Variants in PTPRG observed in about 807,000 individuals in gnomAD.
PTPRG encodes the protein receptor-type tyrosine-protein phosphatase gamma.
Under a neutral mutation model 165.3 loss-of-function variants are expected in PTPRG, and 102 were observed. The observed-to-expected ratio is 0.62, with a 90% CI of 0.53 to 0.73. PTPRG has a LOEUF of 0.73. Among genes scored for constraint, PTPRG ranks in the 30% least tolerant of loss-of-function variants. PTPRG has a pLI of 0.00. For missense variants in PTPRG, 1,866 were observed against 1,861.4 expected (o/e 1.00, Z -0.05); for synonymous variants, 675 against 669.5 (o/e 1.01, Z -0.13).
rs145216886 is a variant in PTPRG, at chr3:61,991,636, A to G, written c.370+1832A>G. Among the ~76,000 whole-genome samples, 6 of 152,318 alleles carry G rather than the reference A, an allele frequency of 3.9e-5. No individual in the cohort carries two copies. In the East Asian group the frequency reaches 9.6e-4, roughly 24 times the overall value. Reference sequence around the variant, plus strand: ...ATATGGTGTTCTTAGGATAACCGCAATGAGATTATTTCTCTTCATACCATC... The same window carrying G: ...ATATGGTGTTCTTAGGATAACCGCAGTGAGATTATTTCTCTTCATACCATC... On this transcript the variant is annotated intron_variant, in intron 3 of 29. Coordinates refer to ENST00000474889, the MANE Select transcript of PTPRG (RefSeq NM_002841.4).
intron 10 of PTPRG, among the ~76,000 whole-genome samples, chr3:62,201,123 A>G (rs1700086881): frequency 6.6e-6 from 1 of 152,200 alleles, no homozygotes; most frequent in Non-Finnish European, 1.5e-5. Context: ...TCTTTATATT[A>G]CTGTGGGGAG....
chr3:61,974,854 G>A lies in PTPRG; in HGVS notation c.191-14771G>A, dbSNP rs115955573. 1.3e-3 allele frequency among the ~76,000 whole-genome samples: 198 copies of A among 152,320 alleles called. No homozygotes were observed. In the Middle Eastern group the frequency reaches 0.014, roughly 10 times the overall value. On this transcript the variant is annotated intron_variant, in intron 2 of 29. Coordinates refer to ENST00000474889, the MANE Select transcript of PTPRG (RefSeq NM_002841.4). ...GCTGAGAGATCCTGTCCTTTGTGGA[G>A]CAGCTGAACTCAGCTGTAAGACACA...
intron 2 of PTPRG, among the ~76,000 whole-genome samples, chr3:61,794,375 A>G (rs866991672): frequency 6.6e-6 from 1 of 152,060 alleles, no homozygotes; most frequent in Admixed American, 6.5e-5. Flanking sequence ...TTTTCCCTCC[A>G]TATATTTTCT....
chr3:62,189,815 A>T (rs549309194), intron 8 of PTPRG, among the ~76,000 whole-genome samples: 1 of 151,918 alleles, frequency 6.6e-6, no homozygotes, highest in Admixed American at 6.6e-5. Flanking sequence ...GTGTCCAAGG[A>T]CTCGTGGGAG....
At chr3:61,665,469 TACACACACACAC>T (rs10662394) in intron 1 of PTPRG, among the ~76,000 whole-genome samples, 23 of 143,918 alleles carry the variant, frequency 1.6e-4, no homozygotes, top group Non-Finnish European at 1.4e-4. Context: ...TGTAAATAAA[TACACACACACAC>T]ACACACACAC....
intron 2 of PTPRG, among the ~76,000 whole-genome samples, chr3:61,892,441 C>T (rs553499262): frequency 2.6e-5 from 4 of 152,298 alleles, no homozygotes; most frequent in Admixed American, 2.0e-4. Context: ...TCTCAAACTC[C>T]TTGGCTCAAG....
chr3:62,123,562 T>C, intron 5 of PTPRG, among the ~76,000 whole-genome samples: 1 of 152,188 alleles, frequency 6.6e-6, no homozygotes, highest in East Asian at 1.9e-4. Context: ...CAATCACCAT[T>C]CAATAAACAC....
At chr3:61,732,720 A>G (rs1237236044) in intron 1 of PTPRG, among the ~76,000 whole-genome samples, 1 of 105,056 alleles carries the variant, frequency 9.5e-6, no homozygotes, top group Non-Finnish European at 1.8e-5. Context: ...AAATAAATAA[A>G]TAAATAAATA....
In PTPRG at chr3:61,866,381, T is replaced by C. The variant is rs2037408134; in HGVS notation, c.190+117399T>C. 2.0e-5 allele frequency among the ~76,000 whole-genome samples: 3 copies of C among 152,090 alleles called. No individual in the cohort carries two copies. In the South Asian group the frequency reaches 6.2e-4, roughly 32 times the overall value. On this transcript the variant is annotated intron_variant, in intron 2 of 29. Transcript: ENST00000474889. ...CTTACAGAAGGGCCAGAGGTGGTGC[T>C]AATCAGGAACTGGAAACTTCTGACC...
chr3:62,289,462 G>T (rs1444159037), intron 28 of PTPRG, among the ~76,000 whole-genome samples: 1 of 152,050 alleles, frequency 6.6e-6, no homozygotes, highest in African/African-American at 2.4e-5. Context: ...AAATGTATAG[G>T]CCAAGTCTTG....
intron 2 of PTPRG, among the ~76,000 whole-genome samples, chr3:61,817,013 ATATACT>A (rs1459293150): frequency 9.2e-6 from 1 of 108,798 alleles, no homozygotes; most frequent in African/African-American, 3.7e-5. Flanking sequence ...ATATAAATAT[ATATACT>A]ATATAATATA....
chr3:61,572,238 T>TTTTG (rs1414362419), intron 1 of PTPRG, among the ~76,000 whole-genome samples: 3 of 152,198 alleles, frequency 2.0e-5, no homozygotes, highest in Non-Finnish European at 2.9e-5. Flanking sequence ...TAAGCTATGT[T>TTTTG]TTTGTTTGTT....
intron 2 of PTPRG, among the ~76,000 whole-genome samples, chr3:61,771,932 C>T (rs1254105801): frequency 2.0e-5 from 3 of 151,660 alleles, no homozygotes; most frequent in Non-Finnish European, 4.4e-5. Flanking sequence ...TGGTGGTAGG[C>T]GCATGTAATC....
At chr3:62,265,649 C>A (rs966425458) in intron 17 of PTPRG, among the ~76,000 whole-genome samples, 1 of 151,938 alleles carries the variant, frequency 6.6e-6, no homozygotes, top group African/African-American at 2.4e-5. Flanking sequence ...GTTAAAAAAG[C>A]CAGGGGGAGA....
intron 1 of PTPRG, among the ~76,000 whole-genome samples, chr3:61,604,789 G>C (rs951482592): frequency 5.9e-5 from 9 of 151,982 alleles, no homozygotes; most frequent in Non-Finnish European, 1.3e-4. Flanking sequence ...CCACATGGAG[G>C]GTTCATTGTG....
At chr3:61,991,054 C>T (rs1237572203) in intron 3 of PTPRG, among the ~76,000 whole-genome samples, 4 of 152,116 alleles carry the variant, frequency 2.6e-5, no homozygotes, top group African/African-American at 7.2e-5. Context: ...ACTCACTTAG[C>T]GCAGTGATTC....
intron 1 of PTPRG, among the ~76,000 whole-genome samples, chr3:61,619,881 C>T (rs1413610112): frequency 6.6e-6 from 1 of 152,114 alleles, no homozygotes; most frequent in African/African-American, 2.4e-5. Flanking sequence ...GGGTAAACAT[C>T]ACCTCTTAAA....
chr3:62,245,812 C>G lies in PTPRG; in HGVS notation c.2467+1914C>G, dbSNP rs187621055. Among the ~76,000 whole-genome samples the G allele has an allele frequency of 6.6e-6, 1 of 152,198 alleles. No individual in the cohort carries two copies. The highest frequency in any genetic ancestry group is 1.9e-4 in the East Asian group (1 of 5,164). ...ATGGAGAGAGAGCATTTGCATGACTCTCATGTTAAAATTGTGTCCCTGACA... is the reference window on the plus strand; with the variant it reads ...ATGGAGAGAGAGCATTTGCATGACTGTCATGTTAAAATTGTGTCCCTGACA... On this transcript the variant is annotated intron_variant, in intron 15 of 29. Coordinates refer to ENST00000474889, the MANE Select transcript of PTPRG (RefSeq NM_002841.4). The surrounding 1 kb of genome is among the most constrained non-coding windows in gnomAD (Gnocchi z 4.2).
intron 1 of PTPRG, among the ~76,000 whole-genome samples, chr3:61,700,447 C>T (rs2030890851): frequency 6.6e-6 from 1 of 152,130 alleles, no homozygotes; most frequent in Non-Finnish European, 1.5e-5. Context: ...AAGCTTGTAC[C>T]TAATTGCCTT....
Sources: allele counts gnomAD v4.1 joint callset (sites outside exome capture counted in the v4.1 genomes callset), GRCh38; gene constraint gnomAD v4.1.1; non-coding constraint Gnocchi (gnomAD v3.1); transcripts MANE v1.5; gene names NCBI Gene and HGNC (gene_info 2026-07-23, HGNC 2026-07-21).